RAPGEF4: variants seen among roughly 807,000 people sequenced by gnomAD.
RAPGEF4 encodes RAP guanine-nucleotide-exchange factor (GEF) 4.
A neutral mutation model predicts 147.9 loss-of-function variants in RAPGEF4; 66 were observed. The observed-to-expected ratio is 0.45, with a 90% CI of 0.37 to 0.55. RAPGEF4 has a LOEUF of 0.55. Among genes scored for constraint, RAPGEF4 ranks in the 20% least tolerant of loss-of-function variants. RAPGEF4 has a pLI of 0.00. For missense variants in RAPGEF4, 1,071 were observed against 1,257.3 expected (o/e 0.85, Z 2.24); for synonymous variants, 419 against 442.7 (o/e 0.95, Z 0.67).
chr2:172,913,119 C>T (rs546671921), intron 4 of RAPGEF4, among the ~76,000 whole-genome samples: 2 of 152,074 alleles, frequency 1.3e-5, no homozygotes, highest in Non-Finnish European at 2.9e-5. Context: ...TGGTCTTGAA[C>T]TCCTGACCTC....
chr2:173,011,011 G>A (rs1399006720), intron 17 of RAPGEF4, among the ~76,000 whole-genome samples: 1 of 152,116 alleles, frequency 6.6e-6, no homozygotes, highest in Non-Finnish European at 1.5e-5. Context: ...CTGAACTTTC[G>A]TGAGAAAAGG....
chr2:172,918,199 C>T (rs1308850724), intron 5 of RAPGEF4, among the ~76,000 whole-genome samples: 1 of 147,466 alleles, frequency 6.8e-6, no homozygotes, highest in African/African-American at 2.5e-5. Flanking sequence ...GATGCACGAA[C>T]TGTATTTGTT....
chr2:172,843,882 G>T (rs1327291396), intron 4 of RAPGEF4, among the ~76,000 whole-genome samples: 1 of 152,226 alleles, frequency 6.6e-6, no homozygotes, highest in Non-Finnish European at 1.5e-5. Flanking sequence ...AACTCCATCT[G>T]AAAAGCTGTA....
Position 172,967,450 on chromosome 2 carries a change from T to A in RAPGEF4, c.1004+6T>A. 1.2e-6 allele frequency: 2 copies of A among 1,608,144 alleles called. No homozygotes were observed. Among genetic ancestry groups the A allele is most frequent in the Non-Finnish European group, 1.7e-6 (2 of 1,177,596 alleles). Reference sequence around the variant, plus strand: ...AGGATGATCCTTCGCAAACCGTGAGTGAGAGCTCGTGGCTCACCCCTCCAG... The same window carrying A: ...AGGATGATCCTTCGCAAACCGTGAGAGAGAGCTCGTGGCTCACCCCTCCAG... On this transcript the variant is annotated splice_donor_region_variant and intron_variant, in intron 10 of 30. Coordinates refer to ENST00000397081, the MANE Select transcript of RAPGEF4 (RefSeq NM_007023.4).
Position 172,875,309 on chromosome 2 carries a change from T to C in RAPGEF4, c.445-42493T>C, listed in dbSNP as rs541909066. Among the ~76,000 whole-genome samples the C allele has an allele frequency of 4.4e-3, 674 of 152,346 alleles. 3 individuals are homozygous for C. The highest frequency in any genetic ancestry group is 0.015 in the African/African-American group (642 of 41,586). On this transcript the variant is annotated intron_variant, in intron 4 of 30. Transcript: ENST00000397081. ...GCCATCGCTTTTGGTGTTTTAGACA[T>C]GAAGTCCTTGCCCATGCCTATGTCC...
At chr2:172,825,395 G>T (rs1689557432) in intron 4 of RAPGEF4, among the ~76,000 whole-genome samples, 1 of 152,186 alleles carries the variant, frequency 6.6e-6, no homozygotes, top group Non-Finnish European at 1.5e-5. Flanking sequence ...TTGTAAATTT[G>T]AACAATTCTA....
chr2:172,988,413 C>T, intron 13 of RAPGEF4, 141 bp downstream of exon 13: 1 of 1,393,444 alleles, frequency 7.2e-7, no homozygotes. Context: ...TATCTTTAAT[C>T]ATAAGTTACC....
At chr2:173,011,509 T>A (rs890473953) in intron 17 of RAPGEF4, among the ~76,000 whole-genome samples, 15 of 152,212 alleles carry the variant, frequency 9.9e-5, no homozygotes, top group Non-Finnish European at 2.2e-4. Flanking sequence ...TGTAAAGCTC[T>A]ATACACATGT....
At chr2:172,797,847 T>C (rs1205758959) in intron 3 of RAPGEF4, among the ~76,000 whole-genome samples, 1 of 152,188 alleles carries the variant, frequency 6.6e-6, no homozygotes, top group Non-Finnish European at 1.5e-5. Flanking sequence ...CAAGAACACA[T>C]TGGGGCTGCT....
At chr2:173,031,708 T>C (rs1697211069) in intron 26 of RAPGEF4, among the ~76,000 whole-genome samples, 1 of 152,148 alleles carries the variant, frequency 6.6e-6, no homozygotes, top group Non-Finnish European at 1.5e-5. Context: ...GATAGCTAAC[T>C]GGCCAGTCCT....
intron 6 of RAPGEF4, among the ~76,000 whole-genome samples, chr2:172,949,252 C>T (rs1443708336): frequency 6.6e-6 from 1 of 152,114 alleles, no homozygotes; most frequent in African/African-American, 2.4e-5. Context: ...TCTGTATGCA[C>T]AAAGCACCGC....
At chr2:172,980,114 A>G (rs1366232862) in intron 10 of RAPGEF4, among the ~76,000 whole-genome samples, 2 of 152,210 alleles carry the variant, frequency 1.3e-5, no homozygotes, top group Non-Finnish European at 2.9e-5. Flanking sequence ...GGCATGAAAA[A>G]GCTTAGTGTG....
chr2:172,739,662 C>T (rs1694133418), intron 1 of RAPGEF4, among the ~76,000 whole-genome samples: 1 of 152,196 alleles, frequency 6.6e-6, no homozygotes, highest in South Asian at 2.1e-4. Context: ...TGAGCCACCA[C>T]ACCCGGCCCA....
At chr2:173,034,551 T>C (rs969706027) in intron 27 of RAPGEF4, among the ~76,000 whole-genome samples, 2 of 152,124 alleles carry the variant, frequency 1.3e-5, no homozygotes, top group Non-Finnish European at 2.9e-5. Context: ...AAACTCCAAA[T>C]TTTTTATGCC....
intron 16 of RAPGEF4, among the ~76,000 whole-genome samples, 191 bp downstream of exon 16, chr2:172,996,745 C>T (rs890071625): frequency 4.6e-5 from 7 of 152,210 alleles, no homozygotes; most frequent in Admixed American, 4.6e-4. Flanking sequence ...CTCCCCAATC[C>T]TGACTGTTCT....
intron 23 of RAPGEF4, among the ~76,000 whole-genome samples, chr2:173,023,808 A>G (rs1433047452): frequency 2.6e-5 from 4 of 152,212 alleles, no homozygotes; most frequent in African/African-American, 9.6e-5. Context: ...GGTATCTCCA[A>G]TCCTGAGGAG....
At chr2:172,770,001 A>G (rs192825711) in intron 1 of RAPGEF4, among the ~76,000 whole-genome samples, 189 of 152,304 alleles carry the variant, frequency 1.2e-3, no homozygotes, top group Non-Finnish European at 2.2e-3. Context: ...TGAACCACAT[A>G]TAGTCTAACA....
chr2:172,754,993 A>G (rs1001206386), intron 1 of RAPGEF4, among the ~76,000 whole-genome samples: 2 of 152,178 alleles, frequency 1.3e-5, no homozygotes, highest in Non-Finnish European at 2.9e-5. Flanking sequence ...CAGTGAGCCA[A>G]GATCACACCA....
At chr2:172,813,993 A>G (rs1317782692) in intron 3 of RAPGEF4, among the ~76,000 whole-genome samples, 1 of 152,236 alleles carries the variant, frequency 6.6e-6, no homozygotes, top group Non-Finnish European at 1.5e-5. Flanking sequence ...GACTTCTTTT[A>G]CATGAAGTTC....
Sources: allele counts gnomAD v4.1 joint callset (sites outside exome capture counted in the v4.1 genomes callset), GRCh38; gene constraint gnomAD v4.1.1; transcripts MANE v1.5; gene names NCBI Gene and HGNC (gene_info 2026-07-23, HGNC 2026-07-21).